The following DCAF6 variants were observed in gnomAD, a reference collection of about 807,000 sequenced individuals.
The protein encoded by DCAF6 is DDB1- and CUL4-associated factor 6.
In DCAF6, 54 loss-of-function variants were observed where a neutral mutation model predicts 125.1. The ratio of observed to expected loss-of-function variants is 0.43; its 90% CI spans 0.35 to 0.54. The LOEUF (loss-of-function observed/expected upper bound fraction) is 0.54. Ranked by LOEUF, DCAF6 falls within the 20% of genes least tolerant of loss-of-function variation. The probability of loss-of-function intolerance (pLI) is 0.01; values close to 1 mark genes in which losing one functional copy is unlikely to be tolerated. For missense variants in DCAF6, 934 were observed against 1,161.7 expected, an observed-to-expected ratio of 0.80 and a Z score of 2.85; for synonymous variants, 371 against 390.4, an observed-to-expected ratio of 0.95 and a Z score of 0.58.
the DCAF6 span, among the ~76,000 whole-genome samples, chr1:167,929,967 G>C: frequency 6.6e-6 from 1 of 151,924 alleles, no homozygotes. Flanking sequence ...AAGTTCACCT[G>C]TTTGCTATCA....
chr1:168,034,392 T>C lies in DCAF6; in HGVS notation c.1610-3979T>C, dbSNP rs75134051. On this transcript the variant is annotated intron_variant, in intron 12 of 21. Coordinates refer to ENST00000367840, the MANE Select transcript of DCAF6 (RefSeq NM_001198956.2). ...TGGGCATGGTGACACACACCTGCAA[T>C]CCTAGCTACTTGGGAGGCTGAGGCA... 4.6e-3 allele frequency among the ~76,000 whole-genome samples: 701 copies of C among 152,256 alleles called. 8 individuals carry two copies. In the East Asian group the frequency reaches 0.058, roughly 13 times the overall value.
chr1:167,871,902 A>G, the DCAF6 span, among the ~76,000 whole-genome samples: 2 of 152,260 alleles, frequency 1.3e-5, no homozygotes, highest in African/African-American at 4.8e-5. Context: ...TGAAGCTCAC[A>G]TAGGAACTTA....
At chr1:167,890,271 C>T in the DCAF6 span, among the ~76,000 whole-genome samples, 13 of 152,302 alleles carry the variant, frequency 8.5e-5, no homozygotes, top group South Asian at 2.1e-4. Context: ...TACAGAGCAC[C>T]GCAAGTGCAG....
At chr1:168,019,722 T>A (rs1398596905) in intron 11 of DCAF6, 3 of 202,334 alleles carry the variant, frequency 1.5e-5, no homozygotes, top group Admixed American at 1.1e-4. Context: ...AAAAAAGTAA[T>A]TTTTATACCC....
chr1:167,909,688 G>T, the DCAF6 span, among the ~76,000 whole-genome samples: 3 of 152,066 alleles, frequency 2.0e-5, no homozygotes, highest in Non-Finnish European at 4.4e-5. Flanking sequence ...AGTAGATCTT[G>T]CTAAACAGCT....
At chr1:168,001,019 G>T (rs1682535683) in intron 7 of DCAF6, among the ~76,000 whole-genome samples, 1 of 152,098 alleles carries the variant, frequency 6.6e-6, no homozygotes, top group Admixed American at 6.6e-5. Context: ...GTTTAAAATG[G>T]ATCAGATGTG....
chr1:167,944,123 T>C (rs1257273036), intron 1 of DCAF6, among the ~76,000 whole-genome samples: 1 of 152,132 alleles, frequency 6.6e-6, no homozygotes, highest in African/African-American at 2.4e-5. Context: ...ATCACAGGGG[T>C]GAGCCACCAC....
the DCAF6 span, among the ~76,000 whole-genome samples, chr1:167,880,966 A>T: frequency 6.6e-6 from 1 of 152,206 alleles, no homozygotes; most frequent in Non-Finnish European, 1.5e-5. Flanking sequence ...CAGCTCTGGA[A>T]TCAGAAAGTC....
intron 3 of DCAF6, among the ~76,000 whole-genome samples, chr1:167,968,024 C>G (rs1323713099): frequency 1.3e-5 from 2 of 152,116 alleles, no homozygotes; most frequent in Admixed American, 1.3e-4. Context: ...AGCCACCACG[C>G]CCAGCCCAAA....
the DCAF6 span, chr1:167,878,705 T>G: frequency 6.7e-7 from 1 of 1,493,682 alleles, no homozygotes; most frequent in Non-Finnish European, 9.3e-7. Context: ...ATCTGAAACA[T>G]TGTCCCCAAA....
chr1:167,907,899 T>G, the DCAF6 span, among the ~76,000 whole-genome samples: 1 of 152,158 alleles, frequency 6.6e-6, no homozygotes, highest in Non-Finnish European at 1.5e-5. Flanking sequence ...TAATGGAAAT[T>G]GATTAGTATT....
At chr1:167,899,539 G>T in the DCAF6 span, 1 of 1,614,184 alleles carries the variant, frequency 6.2e-7, no homozygotes, top group Non-Finnish European at 8.5e-7. Context: ...TGGGCAAGGC[G>T]CACATCGTCC....
At chr1:167,940,736 T>C (rs2102622772) in intron 1 of DCAF6, among the ~76,000 whole-genome samples, 1 of 152,304 alleles carries the variant, frequency 6.6e-6, no homozygotes, top group Middle Eastern at 3.4e-3. Flanking sequence ...TTTCTACTCA[T>C]ATTTCTTTCC....
chr1:167,958,267 C>T (rs1675063678), intron 2 of DCAF6, among the ~76,000 whole-genome samples: 1 of 150,660 alleles, frequency 6.6e-6, no homozygotes, highest in African/African-American at 2.4e-5. Flanking sequence ...ATAGTTTTAG[C>T]TCTTCTGTTT....
intron 16 of DCAF6, among the ~76,000 whole-genome samples, chr1:168,049,431 G>GT (rs11369573): frequency 0.56 from 56,316 of 101,250 alleles, 16,267 homozygotes; most frequent in East Asian, 0.66. Context: ...TGTTGTTGTT[G>GT]TTTTTTTTTT....
At chr1:167,975,265 C>G (rs182118048) in intron 4 of DCAF6, among the ~76,000 whole-genome samples, 1 of 152,156 alleles carries the variant, frequency 6.6e-6, no homozygotes, top group African/African-American at 2.4e-5. Context: ...ATTGCTTGAG[C>G]AACCATGCTG....
At position 168,015,933 on chromosome 1, in the gene DCAF6, C is replaced by T. The variant is rs527768739; in HGVS notation, c.1531C>T (p.Gln511Ter). ...SDQSSHEGSS[Q>*]DPHASDSPSS... is the part of the protein sequence containing the mutation. ...TCAGTCTTCTCATGAGGGCTCTTCA[C>T]AGGACCCTCATGCTTCAGGTTATTA... Residue 511 changes from glutamine to a stop codon, truncating the protein, a stop_gained, in exon 11 of 22, where the codon CAG becomes TAG. Coordinates refer to ENST00000367840, the MANE Select transcript of DCAF6 (RefSeq NM_001198956.2). LOFTEE classifies it high-confidence loss of function. 1.3e-6 allele frequency: 2 copies of T among 1,508,670 alleles called. No homozygotes were observed. Among genetic ancestry groups the T allele is most frequent in the South Asian group, 1.3e-5 (1 of 77,628 alleles). The allele number at this position is 1,508,670 out of a possible 1,614,324, so 93.5% of individuals were successfully genotyped here. A position where few individuals can be genotyped will look rare whatever the true frequency, so the allele number is the denominator to read the frequency against.
intron 18 of DCAF6, 67 bp from the exon 19 acceptor site, chr1:168,065,523 G>GA (rs1692215288): frequency 5.5e-6 from 6 of 1,097,760 alleles, no homozygotes; most frequent in Non-Finnish European, 7.7e-6. Flanking sequence ...AAAAATGTAA[G>GA]AGTAGCATAA....
intron 20 of DCAF6, 46 bp downstream of exon 20, chr1:168,066,511 C>T (rs1489140321): frequency 6.1e-6 from 8 of 1,301,518 alleles, no homozygotes; most frequent in Non-Finnish European, 8.7e-6. Flanking sequence ...TCAATTTGTT[C>T]CTAAAATGCT....
Sources: gnomAD v4.1 joint callset for allele counts (sites outside exome capture counted in the v4.1 genomes callset) on GRCh38, gnomAD v4.1.1 for gene constraint, MANE v1.5 for transcripts, NCBI Gene and HGNC (gene_info 2026-07-23, HGNC 2026-07-21) for gene names.